Variants in METTL15 observed in about 807,000 individuals in gnomAD.
METTL15 encodes 12S rRNA N(4)-cytidine methyltransferase METTL15.
In METTL15, 34 loss-of-function variants were observed where a neutral mutation model predicts 38.3. The observed-to-expected ratio is 0.89, with a 90% confidence interval of 0.68 to 1.18. The LOEUF (loss-of-function observed/expected upper bound fraction) is 1.18, where lower values mean the gene tolerates loss of function less well. METTL15 is among the 50% of genes most tolerant of loss of function. The probability of loss-of-function intolerance (pLI) is 0.00; values close to 1 mark genes in which losing one functional copy is unlikely to be tolerated. For missense variants in METTL15, 438 were observed against 498.4 expected (o/e 0.88, Z 1.15); for synonymous variants, 162 against 170.9 (o/e 0.95, Z 0.41).
chr11:28,186,185 T>G (rs1035217273), intron 3 of METTL15, among the ~76,000 whole-genome samples: 1 of 151,138 alleles, frequency 6.6e-6, no homozygotes. Context: ...TCAAGTAAGA[T>G]AAGAACTGTA....
chr11:28,425,029 C>A (rs956093592), intron 6 of METTL15, among the ~76,000 whole-genome samples: 2 of 152,110 alleles, frequency 1.3e-5, no homozygotes, highest in Admixed American at 6.5e-5. Context: ...TAAGTGAAAA[C>A]CATTCATAGT....
At chr11:28,271,405 G>T (rs1436127730) in intron 4 of METTL15, among the ~76,000 whole-genome samples, 1 of 152,044 alleles carries the variant, frequency 6.6e-6, no homozygotes, top group African/African-American at 2.4e-5. Context: ...AGGCTAGTCT[G>T]GTTAATTCTA....
In METTL15 at chr11:28,402,757, G is replaced by A. The variant is rs986879925; in HGVS notation, c.*359-21542G>A. On this transcript the variant is annotated intron_variant and NMD_transcript_variant, in intron 5 of 7. Transcript: ENST00000532947. The stretch of plus-strand genomic sequence containing the variant: ...CGTGAATATATTGCTTAGTGATGAC[G>A]TCTGGGCTTTTAATGTAGCCATAGC... Among the ~76,000 whole-genome samples, 6 of 151,840 alleles carry A rather than the reference G, an allele frequency of 4.0e-5. No individual in the cohort carries two copies. The East Asian group carries it at 9.7e-4, about 25-fold the overall frequency.
intron 4 of METTL15, among the ~76,000 whole-genome samples, chr11:28,241,351 G>A: frequency 6.6e-6 from 1 of 152,082 alleles, no homozygotes; most frequent in African/African-American, 2.4e-5. Context: ...GGCTAATAAG[G>A]TGAAGCCCCA....
chr11:28,505,057 G>T (rs1851617066), intron 6 of METTL15, among the ~76,000 whole-genome samples: 1 of 152,194 alleles, frequency 6.6e-6, no homozygotes, highest in Non-Finnish European at 1.5e-5. Context: ...GGTTGCATTG[G>T]CTTCTGGCAT....
intron 6 of METTL15, among the ~76,000 whole-genome samples, chr11:28,513,342 C>A (rs1288713673): frequency 6.6e-6 from 1 of 152,154 alleles, no homozygotes; most frequent in African/African-American, 2.4e-5. Context: ...CTTTGCTGTA[C>A]CACTTACCGG....
intron 4 of METTL15, among the ~76,000 whole-genome samples, chr11:28,212,925 A>T (rs1281879821): frequency 6.6e-6 from 1 of 152,180 alleles, no homozygotes; most frequent in Non-Finnish European, 1.5e-5. Context: ...TCTCAAATGT[A>T]GCTTAAAGTT....
chr11:28,443,360 C>T (rs1851050592), intron 6 of METTL15, among the ~76,000 whole-genome samples: 1 of 152,104 alleles, frequency 6.6e-6, no homozygotes, highest in African/African-American at 2.4e-5. Context: ...ATCTTTCCAC[C>T]TCTAATTGAA....
At chr11:28,338,631 A>G (rs1040434374) in intron 3 of METTL15, among the ~76,000 whole-genome samples, 4 of 152,112 alleles carry the variant, frequency 2.6e-5, no homozygotes, top group African/African-American at 4.8e-5. Flanking sequence ...TCCCTCCATG[A>G]TCATCCACAG....
At chr11:28,383,865 G>T (rs978526645) in intron 5 of METTL15, among the ~76,000 whole-genome samples, 1 of 151,870 alleles carries the variant, frequency 6.6e-6, no homozygotes, top group Non-Finnish European at 1.5e-5. Flanking sequence ...TGTTAGATAG[G>T]TAAACTCATG....
At chr11:28,111,647 C>T (rs1045681696) in intron 2 of METTL15, among the ~76,000 whole-genome samples, 1 of 152,120 alleles carries the variant, frequency 6.6e-6, no homozygotes, top group Non-Finnish European at 1.5e-5. Context: ...ACAATTTTAG[C>T]TTTACGGCTC....
At chr11:28,445,826 T>C (rs575694403) in intron 6 of METTL15, among the ~76,000 whole-genome samples, 348 of 151,982 alleles carry the variant, frequency 2.3e-3, no homozygotes, top group Admixed American at 3.7e-3. Flanking sequence ...TAATTTTTTA[T>C]ATTTTTTGTA....
chr11:28,139,192 G>A (rs1849613609), intron 3 of METTL15, among the ~76,000 whole-genome samples: 1 of 152,100 alleles, frequency 6.6e-6, no homozygotes, highest in East Asian at 1.9e-4. Context: ...TATCTGAGGG[G>A]AGTGTCCTGT....
chr11:28,524,829 T>C (rs112977505), intron 6 of METTL15, among the ~76,000 whole-genome samples: 29 of 152,274 alleles, frequency 1.9e-4, no homozygotes, highest in South Asian at 1.2e-3. Flanking sequence ...GGTGGGTTAT[T>C]GGTCTCACTG....
At chr11:28,445,081 T>C (rs937959607) in intron 6 of METTL15, among the ~76,000 whole-genome samples, 7 of 151,974 alleles carry the variant, frequency 4.6e-5, no homozygotes, top group African/African-American at 1.7e-4. Flanking sequence ...GAGATGAGGA[T>C]GAAGTGGAAA....
chr11:28,513,669 G>GC (rs1851695319), intron 6 of METTL15, among the ~76,000 whole-genome samples: 1 of 152,214 alleles, frequency 6.6e-6, no homozygotes, highest in Non-Finnish European at 1.5e-5. Flanking sequence ...CCAGTCATTA[G>GC]CATTGTTTCT....
chr11:28,194,119 T>G (rs1015500519), intron 3 of METTL15, among the ~76,000 whole-genome samples: 22 of 151,024 alleles, frequency 1.5e-4, no homozygotes, highest in African/African-American at 5.4e-4. Context: ...GCTTTGATGG[T>G]TGATCTTTCT....
chr11:28,517,552 C>G (rs1245527508), intron 6 of METTL15, among the ~76,000 whole-genome samples: 1 of 152,178 alleles, frequency 6.6e-6, no homozygotes, highest in African/African-American at 2.4e-5. Context: ...AAAATAACAG[C>G]TTTCTGTCCA....
At chr11:28,359,332 G>A (rs536910126) in intron 4 of METTL15, among the ~76,000 whole-genome samples, 26 of 152,214 alleles carry the variant, frequency 1.7e-4, no homozygotes, top group African/African-American at 5.3e-4. Flanking sequence ...CCGATATACC[G>A]TTGATGGGCA....
Sources: allele counts gnomAD v4.1 joint callset (sites outside exome capture counted in the v4.1 genomes callset), GRCh38; gene constraint gnomAD v4.1.1; transcripts MANE v1.5; gene names NCBI Gene and HGNC (gene_info 2026-07-23, HGNC 2026-07-21).